Variants in MPEG1 observed in about 807,000 individuals in gnomAD.
MPEG1 encodes the protein macrophage-expressed gene 1 protein.
For missense variants in MPEG1, 876 were observed against 880.3 expected (o/e 1.00, Z 0.06); for synonymous variants, 365 against 351.9 (o/e 1.04, Z -0.42).
At position 59,212,700 on chromosome 11, in the gene MPEG1, T is replaced by A; in HGVS notation, c.166A>T (p.Asn56Tyr). 6.2e-7 allele frequency: 1 copy of A among 1,614,230 alleles called. No homozygotes were observed. Among genetic ancestry groups the A allele is most frequent in the Non-Finnish European group, 8.5e-7 (1 of 1,180,028 alleles). The stretch of plus-strand genomic sequence containing the variant: ...TCCATAACTCGTCCCATGTCCACAT[T>A]CCGCAGATTGTCCCAGCCCCCTCCA... ...LPGGGWDNLR[N>Y]VDMGRVMELT... is the part of the protein sequence containing the mutation. The change falls in exon 1 of 1, where the codon AAT (asparagine) becomes TAT (tyrosine). Residue 56 changes from asparagine (N) to tyrosine (Y), a missense_variant. Transcript: ENST00000361050.
In MPEG1 at chr11:59,211,677, A is replaced by G. The variant is rs1254693559; in HGVS notation, c.1189T>C (p.Cys397Arg). 207 of 1,614,084 alleles carry G rather than the reference A, an allele frequency of 1.3e-4. No homozygotes were observed. Among genetic ancestry groups the G allele is most frequent in the Non-Finnish European group, 1.7e-4 (203 of 1,180,048 alleles). Residue 397 changes from cysteine (C) to arginine (R), a missense_variant, in exon 1 of 1, where the codon TGC becomes CGC. Cys to Arg is a radical substitution (Grantham distance 180). Transcript: ENST00000361050. ...GGATTCTTCTGCTCCAACTTTTGGC[A>G]GAGGAGGACATCCCTATTCCCTGAG... ...QLSGNRDVLLCQKLEQKNPLT... is the reference protein window; with the variant it reads ...QLSGNRDVLLRQKLEQKNPLT...
Position 59,211,558 on chromosome 11 carries a change from A to G in MPEG1, c.1308T>C (p.His436=). 6.2e-7 allele frequency: 1 copy of G among 1,614,092 alleles called. No individual in the cohort carries two copies. The highest frequency in any genetic ancestry group is 8.5e-7 in the Non-Finnish European group (1 of 1,179,968). ...HEEGYNHLEC[H]RKCTLLVFCK... The stretch of plus-strand genomic sequence containing the variant: ...AGAAGACGAGGAGAGTGCACTTTCG[A>G]TGACACTCCAGGTGGTTGTAACCCT... The change falls in exon 1 of 1, where the codon CAT becomes CAC. Residue 436 remains histidine (H), a synonymous_variant. Transcript: ENST00000361050.
rs779786369 is a variant in MPEG1, at chr11:59,212,398, G to A, written c.468C>T (p.Val156=). 1 of 1,614,204 alleles carries A rather than the reference G, an allele frequency of 6.2e-7. No individual in the cohort carries two copies. Among genetic ancestry groups the A allele is most frequent in the Non-Finnish European group, 8.5e-7 (1 of 1,180,032 alleles). The part of the protein sequence containing the change: ...ITTRVQVRNL[V]YTVKINPTLE... ...AAGTTGGGTTGATTTTGACTGTGTAGACGAGGTTTCTTACCTGAACTCGGG... is the reference window on the plus strand; with the variant it reads ...AAGTTGGGTTGATTTTGACTGTGTAAACGAGGTTTCTTACCTGAACTCGGG... The change falls in exon 1 of 1, where the codon GTC becomes GTT. Residue 156 remains valine, a synonymous_variant. Coordinates refer to ENST00000361050, the MANE Select transcript of MPEG1 (RefSeq NM_001039396.2).
chr11:59,209,148 C>T lies in MPEG1; in HGVS notation c.*1567G>A, dbSNP rs1326577439. 2 of 152,032 alleles carry T rather than the reference C, an allele frequency of 1.3e-5. No individual in the cohort carries two copies. Among genetic ancestry groups the T allele is most frequent in the African/African-American group, 4.8e-5 (2 of 41,386 alleles). 9.4% of individuals were successfully genotyped at this position (152,032 alleles called of 1,614,324 possible). On this transcript the variant is annotated 3_prime_UTR_variant, in exon 1 of 1. Transcript: ENST00000361050. ...ACAGAAATCAGTGTCTCTGGCTGGG[C>T]AGTCAAGAGAGCGGGCTCAAATTCT... is the stretch of plus-strand genomic sequence containing the variant.
Position 59,210,920 on chromosome 11 carries a change from C to A in MPEG1, c.1946G>T (p.Gly649Val), listed in dbSNP as rs751503174. 8 of 1,614,244 alleles carry A rather than the reference C, an allele frequency of 5.0e-6. No individual in the cohort carries two copies. The highest frequency in any genetic ancestry group is 5.9e-6 in the Non-Finnish European group (7 of 1,180,046). ...RRAMNVIHGDGGGLSGGAAAG... is the reference protein window; with the variant it reads ...RRAMNVIHGDVGGLSGGAAAG... ...TGCAGCCCCTCCTGACAGACCACCACCATCCCCATGGATGACATTCATGGC... is the reference window on the plus strand; with the variant it reads ...TGCAGCCCCTCCTGACAGACCACCAACATCCCCATGGATGACATTCATGGC... Residue 649 changes from glycine (G) to valine (V), a missense_variant, in exon 1 of 1, where the codon GGT becomes GTT. Transcript: ENST00000361050.
chr11:59,210,649 T>C lies in MPEG1; in HGVS notation c.*66A>G. The C allele has an allele frequency of 6.8e-7, 1 of 1,467,096 alleles. No individual in the cohort carries two copies. The allele number at this position is 1,467,096 out of a possible 1,614,324, so 90.9% of individuals were successfully genotyped here. The stretch of plus-strand genomic sequence containing the variant: ...TTGGTTGCACTTGCCATTTCAATGC[T>C]TAGGAAAACAGAGTGGTCAGCAATG... On this transcript the variant is annotated 3_prime_UTR_variant, in exon 1 of 1. Transcript: ENST00000361050.
rs776078305 is a variant in MPEG1, at chr11:59,212,107, C to T, written c.759G>A (p.Glu253=). ...GGACATTCTGCGAGGTATAGTTTTC[C>T]TCAAATTTGAAGTTCACGGTGTTTT... ...AFQNTVNFKF[E]ENYTSQNVLT... The change falls in exon 1 of 1, where the codon GAG becomes GAA. Residue 253 remains glutamate (E), a synonymous_variant. Coordinates refer to ENST00000361050, the MANE Select transcript of MPEG1 (RefSeq NM_001039396.2). The T allele has an allele frequency of 4.0e-5, 65 of 1,614,140 alleles. No individual in the cohort carries two copies. The highest frequency in any genetic ancestry group is 5.4e-5 in the Non-Finnish European group (64 of 1,180,016).
chr11:59,212,311 G>A lies in MPEG1; in HGVS notation c.555C>T (p.Asn185=). ...CCAGGTAGGTGGCCATCCTCGTCTG[G>A]TTGTTCTCTAGACGGTCAGAGATGT... ...LLDISDRLEN[N]QTRMATYLAE... The change falls in exon 1 of 1, where the codon AAC becomes AAT. Residue 185 remains asparagine, a synonymous_variant. Coordinates refer to ENST00000361050, the MANE Select transcript of MPEG1 (RefSeq NM_001039396.2). 7.4e-6 allele frequency: 12 copies of A among 1,613,950 alleles called. No individual in the cohort carries two copies. Among genetic ancestry groups the A allele is most frequent in the Non-Finnish European group, 1.0e-5 (12 of 1,180,026 alleles).
chr11:59,211,025 T>C lies in MPEG1; in HGVS notation c.1841A>G (p.Asn614Ser), dbSNP rs749523553. 3.1e-6 allele frequency: 5 copies of C among 1,614,122 alleles called. No individual in the cohort carries two copies. In the East Asian group the frequency reaches 1.1e-4, roughly 36 times the overall value. ...AATCCAGGATCTCGCATTCTCAGAA[T>C]TGGTCACTATGACAGTATTGGTGGC... Reference protein sequence around the residue: ...QAATNTVIVTNSENARSWIKD... With the variant: ...QAATNTVIVTSSENARSWIKD... The change falls in exon 1 of 1, where the codon AAT becomes AGT. Residue 614 changes from asparagine (N) to serine (S), a missense_variant. By Grantham distance (46) the Asn-to-Ser change is conservative. Coordinates refer to ENST00000361050, the MANE Select transcript of MPEG1 (RefSeq NM_001039396.2).
rs772842362 is a variant in MPEG1 at position 59,212,473 on chromosome 11, A to G, written c.393T>C (p.Thr131=). The change falls in exon 1 of 1, where the codon ACT becomes ACC. Residue 131 remains threonine, a synonymous_variant. Transcript: ENST00000361050. ...LFSKVNGKFS[T]EFQRMKTLQV... Reference sequence around the variant, plus strand: ...GGAGGGTCTTCATCCTCTGGAACTCAGTGGAAAACTTGCCATTGACTTTGG... The same window carrying G: ...GGAGGGTCTTCATCCTCTGGAACTCGGTGGAAAACTTGCCATTGACTTTGG... 6.2e-7 allele frequency: 1 copy of G among 1,614,218 alleles called. No homozygotes were observed. The highest frequency in any genetic ancestry group is 1.1e-5 in the South Asian group (1 of 91,086).
rs1337549072 is a variant in MPEG1, at chr11:59,210,869, G to A, written c.1997C>T (p.Thr666Ile). ...AAAGVTVGVT[T>I]ILAVVITLAI... is the part of the protein sequence containing the mutation. ...CAAGGTGATAACAACAGCCAGAATG[G>A]TGGTGACCCCCACTGTGACCCCAGC... Residue 666 changes from threonine (T) to isoleucine (I), a missense_variant, in exon 1 of 1, where the codon ACC (threonine) becomes ATC (isoleucine). Coordinates refer to ENST00000361050, the MANE Select transcript of MPEG1 (RefSeq NM_001039396.2). 1 of 1,614,152 alleles carries A rather than the reference G, an allele frequency of 6.2e-7. No homozygotes were observed. Among genetic ancestry groups the A allele is most frequent in the Admixed American group, 1.7e-5 (1 of 60,020 alleles).
Position 59,210,511 on chromosome 11 carries a change from AC to A in MPEG1, c.*203del. Reference sequence around the variant, plus strand: ...TGCTTCCTATTTTAGTCCCAGAATCACTTTTGCTTCTAGTCCCAACTGTTCC... The same window carrying A: ...TGCTTCCTATTTTAGTCCCAGAATCATTTTGCTTCTAGTCCCAACTGTTCC... On this transcript the variant is annotated 3_prime_UTR_variant, in exon 1 of 1. Coordinates refer to ENST00000361050, the MANE Select transcript of MPEG1 (RefSeq NM_001039396.2). 1 of 559,282 alleles carries A rather than the reference AC, an allele frequency of 1.8e-6. No individual in the cohort carries two copies. The highest frequency in any genetic ancestry group is 3.2e-6 in the Non-Finnish European group (1 of 316,502). The allele number at this position is 559,282 out of a possible 1,614,324, so 34.6% of individuals were successfully genotyped here. A position where few individuals can be genotyped will look rare whatever the true frequency, so the allele number is the denominator to read the frequency against.
At position 59,211,651 on chromosome 11, in the gene MPEG1, T is replaced by C; in HGVS notation, c.1215A>G (p.Pro405=). ...LLCQKLEQKN[P]LTGDFSCPSG... is the part of the protein sequence containing the mutation. Reference sequence around the variant, plus strand: ...AGGGGCAGGAGAAATCACCAGTGAGTGGATTCTTCTGCTCCAACTTTTGGC... The same window carrying C: ...AGGGGCAGGAGAAATCACCAGTGAGCGGATTCTTCTGCTCCAACTTTTGGC... Residue 405 remains proline (P), a synonymous_variant, in exon 1 of 1, where the codon CCA becomes CCG. Coordinates refer to ENST00000361050, the MANE Select transcript of MPEG1 (RefSeq NM_001039396.2). 2 of 1,613,984 alleles carry C rather than the reference T, an allele frequency of 1.2e-6. No individual in the cohort carries two copies. Among genetic ancestry groups the C allele is most frequent in the Non-Finnish European group, 1.7e-6 (2 of 1,179,996 alleles).
rs1862875139 is a variant in MPEG1 at position 59,210,569 on chromosome 11, A to T, written c.*146T>A. On this transcript the variant is annotated 3_prime_UTR_variant, in exon 1 of 1. Transcript: ENST00000361050. Reference sequence around the variant, plus strand: ...CCAATCCCAACCTTATCCATGTAACAGTATGAATTTCCTGGCCCAGAGACC... The same window carrying T: ...CCAATCCCAACCTTATCCATGTAACTGTATGAATTTCCTGGCCCAGAGACC... 3 of 694,246 alleles carry T rather than the reference A, an allele frequency of 4.3e-6. No homozygotes were observed. The Admixed American group carries it at 8.5e-5, about 20-fold the overall frequency. The allele number at this position is 694,246 out of a possible 1,614,324, so 43.0% of individuals were successfully genotyped here.
rs976071519 is a variant in MPEG1 at position 59,208,861 on chromosome 11, C to T, written c.*1854G>A. ...ATATACTTTAATGCATGTTTATGTG[C>T]AATCTTGTTAGTGGGTATACAAGTT... On this transcript the variant is annotated 3_prime_UTR_variant, in exon 1 of 1. Coordinates refer to ENST00000361050, the MANE Select transcript of MPEG1 (RefSeq NM_001039396.2). 2.0e-5 allele frequency: 3 copies of T among 152,188 alleles called. No homozygotes were observed. Among genetic ancestry groups the T allele is most frequent in the African/African-American group, 7.2e-5 (3 of 41,448 alleles). The allele number at this position is 152,188 out of a possible 1,614,324, so 9.4% of individuals were successfully genotyped here.
At position 59,211,527 on chromosome 11, in the gene MPEG1, T is replaced by C. The variant is rs374616457; in HGVS notation, c.1339A>G (p.Thr447Ala). The change falls in exon 1 of 1, where the codon ACC becomes GCC. Residue 447 changes from threonine (T) to alanine (A), a missense_variant. Coordinates refer to ENST00000361050, the MANE Select transcript of MPEG1 (RefSeq NM_001039396.2). ...ACCTGGAACACATCTTCACACACGG[T>C]CTTGCAGAAGACGAGGAGAGTGCAC... The part of the protein sequence containing the change: ...RKCTLLVFCK[T>A]VCEDVFQVAK... 2 of 1,614,028 alleles carry C rather than the reference T, an allele frequency of 1.2e-6. No homozygotes were observed. The highest frequency in any genetic ancestry group is 3.3e-5 in the Admixed American group (2 of 60,006).
In MPEG1 at chr11:59,210,757, A is replaced by C; in HGVS notation, c.2109T>G (p.Thr703=). 1 of 1,614,216 alleles carries C rather than the reference A, an allele frequency of 6.2e-7. No individual in the cohort carries two copies. Among genetic ancestry groups the C allele is most frequent in the South Asian group, 1.1e-5 (1 of 91,084 alleles). ...RQSLVPGTAA[T]GDTTYQEQGQ... ...CCTGCTCTTGGTAAGTGGTGTCTCC[A>C]GTTGCTGCAGTGCCTGGAACCAAAC... The change falls in exon 1 of 1, where the codon ACT becomes ACG. Residue 703 remains threonine (T), a synonymous_variant. Transcript: ENST00000361050.
At position 59,211,179 on chromosome 11, in the gene MPEG1, G is replaced by A. The variant is rs746901309; in HGVS notation, c.1687C>T (p.Gln563Ter). 2.5e-6 allele frequency: 4 copies of A among 1,614,216 alleles called. No individual in the cohort carries two copies. Among genetic ancestry groups the A allele is most frequent in the Non-Finnish European group, 2.5e-6 (3 of 1,180,038 alleles). The part of the protein sequence containing the change: ...SLKKCPGGFS[Q>*]HPALISDGCQ... Reference sequence around the variant, plus strand: ...CCATCGCTGATGAGGGCTGGGTGCTGGCTGAAGCCCCCGGGGCACTTTTTC... The same window carrying A: ...CCATCGCTGATGAGGGCTGGGTGCTAGCTGAAGCCCCCGGGGCACTTTTTC... The change falls in exon 1 of 1, where the codon CAG (glutamine) becomes TAG (stop). Residue 563 changes from glutamine (Q) to a stop codon, truncating the protein, a stop_gained. Coordinates refer to ENST00000361050, the MANE Select transcript of MPEG1 (RefSeq NM_001039396.2). LOFTEE classifies it low-confidence loss of function (END_TRUNC).
In MPEG1 at chr11:59,212,803, C is replaced by G. The variant is rs1862914069; in HGVS notation, c.63G>C (p.Lys21Asn). The change falls in exon 1 of 1, where the codon AAG (lysine) becomes AAC (asparagine). Residue 21 changes from lysine (K) to asparagine (N), a missense_variant. Lys to Asn is a moderately conservative substitution (Grantham distance 94, BLOSUM62 0). Coordinates refer to ENST00000361050, the MANE Select transcript of MPEG1 (RefSeq NM_001039396.2). The stretch of plus-strand genomic sequence containing the variant: ...CAACTTCGTCCATCTCTCCCGAAGG[C>G]TTGCCTGATTTAGCCCATGCTGCCG... ...WAAAAWAKSGKPSGEMDEVGV... is the reference protein window; with the variant it reads ...WAAAAWAKSGNPSGEMDEVGV... The G allele has an allele frequency of 1.2e-6, 2 of 1,614,246 alleles. No individual in the cohort carries two copies. The highest frequency in any genetic ancestry group is 2.2e-5 in the South Asian group (2 of 91,090).
Sources: gnomAD v4.1 joint callset for allele counts on GRCh38, gnomAD v4.1.1 for gene constraint, MANE v1.5 for transcripts, NCBI Gene and HGNC (gene_info 2026-07-23, HGNC 2026-07-21) for gene names.